The following MYO10 variants were observed in gnomAD, a reference collection of about 807,000 sequenced individuals.
MYO10 encodes the protein unconventional myosin-X.
Under a neutral mutation model 257.3 loss-of-function variants are expected in MYO10, and 133 were observed. That is an observed-to-expected ratio of 0.52 (90% CI 0.45 to 0.60). The LOEUF (loss-of-function observed/expected upper bound fraction) is 0.60, where lower values mean the gene tolerates loss of function less well. MYO10 is among the 20% of genes least tolerant of loss of function. MYO10 has a pLI of 0.00. For missense variants in MYO10, 2,399 were observed against 2,635.7 expected (o/e 0.91, Z 1.97); for synonymous variants, 1,104 against 1,028.6 (o/e 1.07, Z -1.40).
At position 16,818,060 on chromosome 5, in the gene MYO10, G is replaced by A. The variant is rs369340042; in HGVS notation, c.228C>T (p.Gly76=). 158 of 1,608,214 alleles carry A rather than the reference G, an allele frequency of 9.8e-5. No individual in the cohort carries two copies. The highest frequency in any genetic ancestry group is 9.6e-4 in the South Asian group (86 of 89,914). The change falls in exon 3 of 41, where the codon GGC becomes GGT. Residue 76 remains glycine, a synonymous_variant. Coordinates refer to ENST00000513610, the MANE Select transcript of MYO10 (RefSeq NM_012334.3). ...DDMASLTELH[G]GSIMYNLFQR... ...GGAATAAGTTATACATGATGGAGCC[G>A]CCATGGAGCTCTGTCAAGGACGCCA... is the stretch of plus-strand genomic sequence containing the variant.
chr5:16,879,269 T>C (rs995878373), intron 1 of MYO10, among the ~76,000 whole-genome samples: 12 of 152,228 alleles, frequency 7.9e-5, no homozygotes, highest in African/African-American at 2.9e-4. Context: ...CCTCATTTCA[T>C]TTATTTCTGT....
chr5:16,856,672 A>C (rs1743969314), intron 2 of MYO10, among the ~76,000 whole-genome samples: 1 of 152,114 alleles, frequency 6.6e-6, no homozygotes, highest in Admixed American at 6.6e-5. Context: ...CTTGTCTTAG[A>C]GAGTCTTGCT....
chr5:16,825,518 T>C (rs1742975040), intron 2 of MYO10, among the ~76,000 whole-genome samples: 1 of 152,170 alleles, frequency 6.6e-6, no homozygotes, highest in African/African-American at 2.4e-5. Flanking sequence ...ATATTTTATA[T>C]CCTATTTCAT....
intron 4 of MYO10, among the ~76,000 whole-genome samples, chr5:16,793,147 C>T (rs867442457): frequency 1.3e-5 from 2 of 152,026 alleles, no homozygotes; most frequent in Non-Finnish European, 2.9e-5. Flanking sequence ...GGCGCCTCCA[C>T]GGAAACCTCA....
chr5:16,677,913 A>T (rs1343359653), intron 33 of MYO10, among the ~76,000 whole-genome samples: 4 of 151,972 alleles, frequency 2.6e-5, no homozygotes, highest in Non-Finnish European at 4.4e-5. Flanking sequence ...GGCACCTGCC[A>T]CCATGCCCAG....
intron 2 of MYO10, among the ~76,000 whole-genome samples, chr5:16,856,177 T>C (rs1743955855): frequency 6.6e-6 from 1 of 152,208 alleles, no homozygotes; most frequent in African/African-American, 2.4e-5. Context: ...ATCAATCGTA[T>C]GACACATCAC....
chr5:16,826,775 T>G (rs1743014541), intron 2 of MYO10, among the ~76,000 whole-genome samples: 1 of 152,224 alleles, frequency 6.6e-6, no homozygotes, highest in Non-Finnish European at 1.5e-5. Flanking sequence ...ATGTCGCTCT[T>G]ATTTTCCTCC....
At chr5:16,742,204 G>C in intron 19 of MYO10, 1 of 985,340 alleles carries the variant, frequency 1.0e-6, no homozygotes. Context: ...AATCCACCCA[G>C]AGAACAAGAA....
At chr5:16,881,654 G>A (rs925958556) in intron 1 of MYO10, among the ~76,000 whole-genome samples, 1 of 152,214 alleles carries the variant, frequency 6.6e-6, no homozygotes, top group Non-Finnish European at 1.5e-5. Context: ...AATCGGAATT[G>A]CAAAGTTAAA....
intron 1 of MYO10, among the ~76,000 whole-genome samples, chr5:16,929,188 C>T (rs1323720975): frequency 1.3e-5 from 2 of 151,838 alleles, no homozygotes; most frequent in South Asian, 2.1e-4. Flanking sequence ...CTCCTGACCT[C>T]GTGATCCGCC....
chr5:16,817,394 A>C (rs1053428180), intron 3 of MYO10, among the ~76,000 whole-genome samples: 5 of 152,236 alleles, frequency 3.3e-5, no homozygotes, highest in Non-Finnish European at 5.9e-5. Context: ...TCACGTCAAA[A>C]ATTTATAACA....
chr5:16,719,969 GAAAT>G (rs958109788), intron 19 of MYO10, among the ~76,000 whole-genome samples: 10 of 148,140 alleles, frequency 6.8e-5, no homozygotes, highest in Middle Eastern at 3.4e-3. Context: ...GGTCCCTAAA[GAAAT>G]AAATGTGTGT....
At chr5:16,804,070 G>A (rs1164177035) in intron 3 of MYO10, among the ~76,000 whole-genome samples, 2 of 152,174 alleles carry the variant, frequency 1.3e-5, no homozygotes, top group Non-Finnish European at 2.9e-5. Flanking sequence ...CAGGAACCCT[G>A]GATTTTTGAG....
chr5:16,875,071 G>A (rs997749098), intron 2 of MYO10, among the ~76,000 whole-genome samples: 3 of 152,118 alleles, frequency 2.0e-5, no homozygotes, highest in African/African-American at 4.8e-5. Context: ...ACTAGCCCCC[G>A]TGATTCAATT....
intron 19 of MYO10, among the ~76,000 whole-genome samples, chr5:16,750,143 G>C (rs1740340193): frequency 6.6e-6 from 1 of 152,190 alleles, no homozygotes; most frequent in South Asian, 2.1e-4. Context: ...TCTAAGTTCA[G>C]AGGAGGGTAA....
intron 2 of MYO10, among the ~76,000 whole-genome samples, chr5:16,864,981 G>T (rs1281386841): frequency 2.0e-5 from 3 of 152,160 alleles, no homozygotes; most frequent in South Asian, 4.1e-4. Flanking sequence ...AACTCTGTAG[G>T]CTGGTGTTTA....
chr5:16,675,105 T>G lies in MYO10; in HGVS notation c.4712A>C (p.Lys1571Thr), dbSNP rs183038036. ...CAGTTGCTGCAGGGAATTGAATATC[T>G]TGATGGCCTCATCCTGAAGGGTGGT... is the stretch of plus-strand genomic sequence containing the variant. The part of the protein sequence containing the change: ...GYTTLQDEAI[K>T]IFNSLQQLES... Residue 1571 changes from lysine (K) to threonine (T), a missense_variant, in exon 35 of 41, where the codon AAG (lysine) becomes ACG (threonine). Transcript: ENST00000513610. The G allele has an allele frequency of 1.9e-6, 3 of 1,613,990 alleles. No homozygotes were observed. Among genetic ancestry groups the G allele is most frequent in the Non-Finnish European group, 2.5e-6 (3 of 1,179,898 alleles).
rs756425413 is a variant in MYO10, at chr5:16,769,191, C to T, written c.943G>A (p.Val315Met). 2.8e-5 allele frequency: 45 copies of T among 1,605,528 alleles called. No individual in the cohort carries two copies. Among genetic ancestry groups the T allele is most frequent in the South Asian group, 5.6e-5 (5 of 88,710 alleles). ...ACTTCCTCCTTGCTGAACTGCATCA[C>T]GTCCATTGCCGTCTAGAAGAAAATA... ...SFREVITAMD[V>M]MQFSKEEVRE... Residue 315 changes from valine (V) to methionine (M), a missense_variant, in exon 10 of 41, where the codon GTG (valine) becomes ATG (methionine). Around this residue, in one of 3 missense-constraint regions of MYO10, gnomAD observed 337 missense variants for 446.8 expected, o/e 0.75. Coordinates refer to ENST00000513610, the MANE Select transcript of MYO10 (RefSeq NM_012334.3).
intron 1 of MYO10, among the ~76,000 whole-genome samples, chr5:16,907,611 A>G (rs543877531): frequency 3.3e-5 from 5 of 152,358 alleles, no homozygotes; most frequent in African/African-American, 1.2e-4. Flanking sequence ...ATATTAAAAA[A>G]TATTTTTCAT....
Sources: allele counts gnomAD v4.1 joint callset (sites outside exome capture counted in the v4.1 genomes callset), GRCh38; gene constraint gnomAD v4.1.1; regional missense constraint gnomAD v4.1.1; transcripts MANE v1.5; gene names NCBI Gene and HGNC (gene_info 2026-07-23, HGNC 2026-07-21).